The following EML6 variants were observed in gnomAD, a reference collection of about 807,000 sequenced individuals.
EML6 encodes echinoderm microtubule-associated protein-like 6.
Under a neutral mutation model 240.1 loss-of-function variants are expected in EML6, and 154 were observed. The ratio of observed to expected loss-of-function variants is 0.64; its 90% CI spans 0.56 to 0.73. EML6 has a LOEUF of 0.73. Ranked by LOEUF, EML6 falls within the 30% of genes least tolerant of loss-of-function variation. The pLI is 0.00. For synonymous variants in EML6, 1,148 were observed against 899.0 expected (o/e 1.28, Z -4.95); for missense variants, 2,964 against 2,474.6 (o/e 1.20, Z -4.20).
intron 3 of EML6, among the ~76,000 whole-genome samples, chr2:54,815,775 C>G (rs544951002): frequency 6.6e-6 from 1 of 152,328 alleles, no homozygotes; most frequent in South Asian, 2.1e-4. Flanking sequence ...TGCATAACAG[C>G]ACATGTATAC....
chr2:54,736,598 C>T (rs946639370), intron 2 of EML6, among the ~76,000 whole-genome samples: 6 of 152,202 alleles, frequency 3.9e-5, no homozygotes, highest in East Asian at 1.9e-4. Flanking sequence ...TTTCTACTTC[C>T]GCCAGCCACT....
chr2:54,902,612 T>G (rs1223792649), intron 22 of EML6, among the ~76,000 whole-genome samples: 1 of 152,214 alleles, frequency 6.6e-6, no homozygotes, highest in African/African-American at 2.4e-5. Context: ...TTGCCCAGGC[T>G]GGTCTTGAAC....
chr2:54,757,394 A>T (rs368755297), intron 2 of EML6, among the ~76,000 whole-genome samples: 10 of 152,310 alleles, frequency 6.6e-5, no homozygotes, highest in African/African-American at 2.4e-4. Flanking sequence ...ATGCTGTAAT[A>T]CAATGTCAGG....
intron 7 of EML6, among the ~76,000 whole-genome samples, chr2:54,830,296 G>A (rs536213931): frequency 6.6e-6 from 1 of 152,188 alleles, no homozygotes; most frequent in African/African-American, 2.4e-5. Context: ...CACAGGTTGG[G>A]AGGTTCTGTT....
chr2:54,917,950 C>T (rs1042585431), intron 26 of EML6, among the ~76,000 whole-genome samples: 3 of 152,188 alleles, frequency 2.0e-5, no homozygotes, highest in African/African-American at 7.2e-5. Flanking sequence ...GGGACTGCTA[C>T]CTTCTTGGTT....
At position 54,964,749 on chromosome 2, in the gene EML6, A is replaced by T; in HGVS notation, c.5493+16A>T. The stretch of plus-strand genomic sequence containing the variant: ...ATACATTCAGGTATGCTTGGGGTTT[A>T]CTTATATCTGGGGCAACCAATAATA... On this transcript the variant is annotated intron_variant, in intron 38 of 41. Transcript: ENST00000356458. 1 of 1,551,358 alleles carries T rather than the reference A, an allele frequency of 6.4e-7. No individual in the cohort carries two copies. Among genetic ancestry groups the T allele is most frequent in the Non-Finnish European group, 8.7e-7 (1 of 1,146,738 alleles).
rs189779454 is a variant in EML6 at position 54,913,230 on chromosome 2, T to C, written c.3498+2188T>C. On this transcript the variant is annotated intron_variant, in intron 25 of 41. Coordinates refer to ENST00000356458, the MANE Select transcript of EML6 (RefSeq NM_001039753.4). The stretch of plus-strand genomic sequence containing the variant: ...TCTTCTTTTGAGACGTGTCTTTTCA[T>C]ATCTTTTGCCCACTTTTTTTTTTTT... 4.1e-3 allele frequency among the ~76,000 whole-genome samples: 629 copies of C among 152,052 alleles called. 5 individuals carry two copies. Among genetic ancestry groups the C allele is most frequent in the African/African-American group, 0.014 (599 of 41,434 alleles).
chr2:54,877,883 T>C (rs984280413), intron 16 of EML6, among the ~76,000 whole-genome samples: 1 of 152,222 alleles, frequency 6.6e-6, no homozygotes, highest in African/African-American at 2.4e-5. Context: ...TTTCTTTCTC[T>C]GACTCTCCTT....
intron 2 of EML6, among the ~76,000 whole-genome samples, chr2:54,795,346 C>T (rs1219978286): frequency 1.3e-5 from 2 of 152,122 alleles, no homozygotes; most frequent in Non-Finnish European, 2.9e-5. Flanking sequence ...TGAAAACCAT[C>T]AGATCTTGTG....
At chr2:54,902,912 A>C (rs1673135019) in intron 22 of EML6, 132 bp from the exon 23 acceptor site, 1 of 770,740 alleles carries the variant, frequency 1.3e-6, no homozygotes. Context: ...AGTTCTCACA[A>C]GTGTAGTGTC....
intron 2 of EML6, among the ~76,000 whole-genome samples, chr2:54,794,509 G>T (rs1232489406): frequency 8.5e-5 from 13 of 152,146 alleles, no homozygotes; most frequent in African/African-American, 2.4e-4. Flanking sequence ...GGTCAACTCA[G>T]TTCCCTTAAT....
At chr2:54,883,396 A>T (rs552492716) in intron 17 of EML6, among the ~76,000 whole-genome samples, 1 of 152,154 alleles carries the variant, frequency 6.6e-6, no homozygotes. Flanking sequence ...ATATGTATCA[A>T]ACATTCATCA....
chr2:54,968,256 T>C lies in EML6; in HGVS notation c.5726T>C (p.Phe1909Ser). The change falls in exon 40 of 42, where the codon TTT becomes TCT. Residue 1909 changes from phenylalanine to serine, a missense_variant. Coordinates refer to ENST00000356458, the MANE Select transcript of EML6 (RefSeq NM_001039753.4). ...TGDDFGLVKL[F>S]DFPCTEKFAK... The stretch of plus-strand genomic sequence containing the variant: ...GATGACTTTGGGCTGGTGAAGCTCT[T>C]TGATTTTCCATGCACAGAAAAATTT... The C allele has an allele frequency of 6.4e-7, 1 of 1,551,738 alleles. No homozygotes were observed. The highest frequency in any genetic ancestry group is 8.7e-7 in the Non-Finnish European group (1 of 1,146,992).
rs1676976106 is a variant in EML6 at position 54,971,137 on chromosome 2, G to A, written c.*1042G>A. 6.6e-6 allele frequency: 1 copy of A among 152,108 alleles called. No individual in the cohort carries two copies. The highest frequency in any genetic ancestry group is 2.4e-5 in the African/African-American group (1 of 41,426). 9.4% of individuals were successfully genotyped at this position (152,108 alleles called of 1,614,324 possible). On this transcript the variant is annotated 3_prime_UTR_variant, in exon 42 of 42. Coordinates refer to ENST00000356458, the MANE Select transcript of EML6 (RefSeq NM_001039753.4). ...AGGTGACTTCATTTGATTGCTTCAGGCGAACTATATAGGTCAAGTCCAGAT... is the reference window on the plus strand; with the variant it reads ...AGGTGACTTCATTTGATTGCTTCAGACGAACTATATAGGTCAAGTCCAGAT...
chr2:54,799,057 A>G (rs761604499), intron 2 of EML6, among the ~76,000 whole-genome samples: 2 of 152,026 alleles, frequency 1.3e-5, no homozygotes, highest in Admixed American at 1.3e-4. Context: ...TTATTCTGCT[A>G]TATATTCTGC....
chr2:54,754,619 C>T (rs1009125907), intron 2 of EML6, among the ~76,000 whole-genome samples: 6 of 152,122 alleles, frequency 3.9e-5, no homozygotes, highest in Admixed American at 1.3e-4. Context: ...AATATCTTCT[C>T]CCATTCTGTG....
chr2:54,923,589 A>T (rs939929264), intron 26 of EML6, among the ~76,000 whole-genome samples: 5 of 152,182 alleles, frequency 3.3e-5, no homozygotes, highest in African/African-American at 1.2e-4. Context: ...TAAATGTTTC[A>T]TCATGCATAT....
chr2:54,854,158 T>C (rs547278619), intron 11 of EML6, among the ~76,000 whole-genome samples: 1 of 152,344 alleles, frequency 6.6e-6, no homozygotes, highest in East Asian at 1.9e-4. Flanking sequence ...ATAGTTTATA[T>C]ATAGTCCGTT....
At chr2:54,923,203 A>G (rs992111946) in intron 26 of EML6, among the ~76,000 whole-genome samples, 2 of 152,086 alleles carry the variant, frequency 1.3e-5, no homozygotes, top group Non-Finnish European at 2.9e-5. Flanking sequence ...AGCCTCCCAA[A>G]GTGCTGGGAT....
Sources: gnomAD v4.1 joint callset for allele counts (sites outside exome capture counted in the v4.1 genomes callset) on GRCh38, gnomAD v4.1.1 for gene constraint, MANE v1.5 for transcripts, NCBI Gene and HGNC (gene_info 2026-07-23, HGNC 2026-07-21) for gene names.